The following LARGE1 variants were observed in gnomAD, a reference collection of about 807,000 sequenced individuals.
The protein encoded by LARGE1 is LARGE xylosyl- and glucuronyltransferase 1.
In LARGE1, 43 loss-of-function variants were observed where a neutral mutation model predicts 87.6. The ratio of observed to expected loss-of-function variants is 0.49; its 90% CI spans 0.38 to 0.63. The LOEUF (loss-of-function observed/expected upper bound fraction) is 0.63. Ranked by LOEUF, LARGE1 falls within the 30% of genes least tolerant of loss-of-function variation. The pLI is 0.00. For synonymous variants in LARGE1, 434 were observed against 394.6 expected, an observed-to-expected ratio of 1.10 and a Z score of -1.18; for missense variants, 802 against 1,000.2, an observed-to-expected ratio of 0.80 and a Z score of 2.67.
chr22:33,209,335 G>T (rs896086415), intron 11 of LARGE1, among the ~76,000 whole-genome samples: 10 of 152,160 alleles, frequency 6.6e-5, no homozygotes, highest in Admixed American at 3.3e-4. Context: ...TGCGATCTAT[G>T]GTAATTTTCC....
chr22:33,842,718 G>A (rs2063315063), intron 1 of LARGE1, among the ~76,000 whole-genome samples: 9 of 152,180 alleles, frequency 5.9e-5, no homozygotes, highest in Admixed American at 5.9e-4. Context: ...CTAAAATATG[G>A]TGGCCACTAG....
At chr22:33,322,689 C>T (rs1936863618) in intron 10 of LARGE1, 1 of 152,236 alleles carries the variant, frequency 6.6e-6, no homozygotes, top group Admixed American at 6.5e-5. Context: ...GAAGAGGCCA[C>T]CTCCAGCTCT....
At chr22:33,713,352 C>T (rs1021312225) in intron 2 of LARGE1, among the ~76,000 whole-genome samples, 2 of 152,128 alleles carry the variant, frequency 1.3e-5, no homozygotes, top group Non-Finnish European at 2.9e-5. Context: ...AAATGTATCC[C>T]TAAACAGCCT....
At chr22:33,422,663 C>T (rs1324476889) in intron 7 of LARGE1, among the ~76,000 whole-genome samples, 1 of 152,090 alleles carries the variant, frequency 6.6e-6, no homozygotes, top group Non-Finnish European at 1.5e-5. Context: ...GTGCATGCCA[C>T]CACGCCTGGC....
chr22:33,548,521 T>C (rs891696861), intron 6 of LARGE1, among the ~76,000 whole-genome samples: 9 of 152,158 alleles, frequency 5.9e-5, no homozygotes, highest in Non-Finnish European at 1.2e-4. Flanking sequence ...GTACAGGCGA[T>C]TCCCCTGCCT....
At chr22:33,783,540 G>T (rs748370353) in intron 1 of LARGE1, among the ~76,000 whole-genome samples, 11 of 152,150 alleles carry the variant, frequency 7.2e-5, no homozygotes, top group Non-Finnish European at 1.6e-4. Context: ...ACTCCAGCCT[G>T]GGCAACAGAG....
At chr22:33,175,523 A>G (rs1239090147) in intron 11 of LARGE1, among the ~76,000 whole-genome samples, 1 of 152,214 alleles carries the variant, frequency 6.6e-6, no homozygotes, top group Non-Finnish European at 1.5e-5. Context: ...AGACAAGCAG[A>G]GAGCCAAATC....
chr22:33,684,849 G>T (rs989729212), intron 2 of LARGE1, among the ~76,000 whole-genome samples: 1 of 152,172 alleles, frequency 6.6e-6, no homozygotes, highest in Non-Finnish European at 1.5e-5. Context: ...AGTTGATTCA[G>T]ATCAACTTCT....
At chr22:33,467,405 C>A (rs539866449) in intron 6 of LARGE1, among the ~76,000 whole-genome samples, 3 of 152,258 alleles carry the variant, frequency 2.0e-5, no homozygotes, top group African/African-American at 7.2e-5. Context: ...CATCTTCCAA[C>A]TTTTTGTGAT....
chr22:33,170,300 T>C (rs998931995), intron 11 of LARGE1, among the ~76,000 whole-genome samples: 1 of 151,874 alleles, frequency 6.6e-6, no homozygotes, highest in Non-Finnish European at 1.5e-5. Context: ...ACCCAGGAGA[T>C]GGAGGTTATA....
At chr22:33,464,718 T>C (rs912504281) in intron 6 of LARGE1, among the ~76,000 whole-genome samples, 5 of 152,148 alleles carry the variant, frequency 3.3e-5, no homozygotes, top group Non-Finnish European at 5.9e-5. Flanking sequence ...AAGAACTGGT[T>C]AAGATGGGTG....
intron 9 of LARGE1, among the ~76,000 whole-genome samples, chr22:33,347,923 C>A (rs913719043): frequency 1.3e-5 from 2 of 152,186 alleles, no homozygotes; most frequent in African/African-American, 4.8e-5. Context: ...GTTTAGACTT[C>A]ATGAAAGAGT....
intron 1 of LARGE1, among the ~76,000 whole-genome samples, chr22:33,778,287 G>A (rs1450565965): frequency 1.3e-5 from 2 of 152,126 alleles, no homozygotes; most frequent in Non-Finnish European, 2.9e-5. Flanking sequence ...CCTGATTTGA[G>A]CCACATAAAT....
chr22:33,908,170 C>T (rs993363779), intron 1 of LARGE1, among the ~76,000 whole-genome samples: 7 of 152,192 alleles, frequency 4.6e-5, no homozygotes, highest in Non-Finnish European at 8.8e-5. Flanking sequence ...AAATCTAAAA[C>T]GACAACAACA....
the LARGE1 span, among the ~76,000 whole-genome samples, chr22:33,084,586 T>C: frequency 0.014 from 2,120 of 151,462 alleles, 50 homozygotes; most frequent in African/African-American, 0.049. Flanking sequence ...CCCCAAGAGG[T>C]TGAGGCTGCA....
At chr22:33,463,758 C>T (rs972775676) in intron 6 of LARGE1, among the ~76,000 whole-genome samples, 20 of 152,134 alleles carry the variant, frequency 1.3e-4, no homozygotes, top group Admixed American at 3.9e-4. Flanking sequence ...CCATAACCTC[C>T]GCCTCCCAGG....
intron 9 of LARGE1, among the ~76,000 whole-genome samples, chr22:33,370,689 T>G (rs548538326): frequency 6.6e-6 from 1 of 151,912 alleles, no homozygotes; most frequent in East Asian, 1.9e-4. Context: ...TATTATGTTA[T>G]ATAATATGTT....
At chr22:33,535,997 T>A (rs1300122183) in intron 6 of LARGE1, among the ~76,000 whole-genome samples, 1 of 152,222 alleles carries the variant, frequency 6.6e-6, no homozygotes, top group Non-Finnish European at 1.5e-5. Context: ...TGTTTTATAA[T>A]TCGCATGAAA....
At chr22:33,566,467 G>C (rs909446863) in intron 5 of LARGE1, among the ~76,000 whole-genome samples, 1 of 152,094 alleles carries the variant, frequency 6.6e-6, no homozygotes, top group Admixed American at 6.5e-5. Flanking sequence ...TGTGTGCGGA[G>C]CTGGCTCCTT....
Sources: allele counts gnomAD v4.1 joint callset (sites outside exome capture counted in the v4.1 genomes callset), GRCh38; gene constraint gnomAD v4.1.1; transcripts MANE v1.5; gene names NCBI Gene and HGNC (gene_info 2026-07-23, HGNC 2026-07-21).